Variants in VPS8 observed in about 807,000 individuals in gnomAD.
The protein encoded by VPS8 is vacuolar protein sorting-associated protein 8 homolog.
In VPS8, 129 loss-of-function variants were observed where a neutral mutation model predicts 216.4. That is an observed-to-expected ratio of 0.60 (90% CI 0.52 to 0.69). The LOEUF (loss-of-function observed/expected upper bound fraction) is 0.69. VPS8 is among the 30% of genes least tolerant of loss of function. The pLI is 0.00. For synonymous variants in VPS8, 571 were observed against 565.4 expected, an observed-to-expected ratio of 1.01 and a Z score of -0.14; for missense variants, 1,531 against 1,683.5, an observed-to-expected ratio of 0.91 and a Z score of 1.59.
intron 45 of VPS8, among the ~76,000 whole-genome samples, chr3:185,005,696 GC>G (rs1413428975): frequency 6.6e-6 from 1 of 151,806 alleles, no homozygotes; most frequent in Non-Finnish European, 1.5e-5. Flanking sequence ...TTGATTCTCA[GC>G]TTGGTCATAG....
At chr3:185,014,716 A>G (rs1291298134) in intron 45 of VPS8, among the ~76,000 whole-genome samples, 1 of 151,990 alleles carries the variant, frequency 6.6e-6, no homozygotes, top group Non-Finnish European at 1.5e-5. Flanking sequence ...TGTTTTTGTA[A>G]CTGCTGTTTT....
chr3:184,840,528 C>T (rs1721929044), intron 7 of VPS8: 1 of 151,782 alleles, frequency 6.6e-6, no homozygotes, highest in African/African-American at 2.4e-5. Context: ...TGGTGAAACC[C>T]CGTCTCTACT....
chr3:184,852,041 G>A (rs1239144387), intron 10 of VPS8, among the ~76,000 whole-genome samples: 1 of 152,118 alleles, frequency 6.6e-6, no homozygotes, highest in Non-Finnish European at 1.5e-5. Flanking sequence ...AGATATAGTG[G>A]ACTTACTTTT....
intron 39 of VPS8, 23 bp from the exon 40 acceptor site, chr3:184,971,626 G>T: frequency 6.3e-7 from 1 of 1,585,256 alleles, no homozygotes; most frequent in Non-Finnish European, 8.6e-7. Context: ...CTTAAATGAT[G>T]TTTACACTTT....
At chr3:184,834,138 G>T (rs1055762928) in intron 4 of VPS8, among the ~76,000 whole-genome samples, 1 of 152,188 alleles carries the variant, frequency 6.6e-6, no homozygotes, top group Non-Finnish European at 1.5e-5. Context: ...GCACAGGAAA[G>T]GTGAGCAAGG....
At chr3:184,941,473 C>T (rs1742687389) in intron 36 of VPS8, among the ~76,000 whole-genome samples, 1 of 144,988 alleles carries the variant, frequency 6.9e-6, no homozygotes. Flanking sequence ...CCCTCAGAGT[C>T]AGTTCGGGCC....
At chr3:184,917,235 A>G (rs555500292) in intron 28 of VPS8, among the ~76,000 whole-genome samples, 16 of 152,338 alleles carry the variant, frequency 1.1e-4, no homozygotes, top group African/African-American at 3.4e-4. Context: ...CTGAATATAT[A>G]GAAAGGCCTG....
intron 45 of VPS8, 26 bp from the exon 46 acceptor site, chr3:185,024,310 T>G: frequency 6.4e-7 from 1 of 1,566,740 alleles, no homozygotes; most frequent in Non-Finnish European, 8.7e-7. Context: ...TGAAAGGGTA[T>G]TAAAATGTTT....
intron 34 of VPS8, 86 bp from the exon 35 acceptor site, chr3:184,936,160 T>G: frequency 4.4e-6 from 5 of 1,135,110 alleles, no homozygotes; most frequent in African/African-American, 1.5e-5. Context: ...GCGACTGTAT[T>G]GAGGTAGGTA....
chr3:184,936,447 A>G, intron 35 of VPS8, 112 bp downstream of exon 35: 1 of 987,036 alleles, frequency 1.0e-6, no homozygotes, highest in Non-Finnish European at 1.5e-6. Flanking sequence ...ATTTATTAGC[A>G]GTTTCTATTA....
chr3:185,039,499 G>A (rs575739028), intron 46 of VPS8, among the ~76,000 whole-genome samples: 3 of 151,548 alleles, frequency 2.0e-5, no homozygotes, highest in African/African-American at 4.8e-5. Flanking sequence ...AGCCTGATAC[G>A]TTAGAAGCCA....
intron 36 of VPS8, among the ~76,000 whole-genome samples, chr3:184,948,483 G>A (rs1044524569): frequency 2.0e-5 from 3 of 152,092 alleles, no homozygotes; most frequent in South Asian, 4.1e-4. Flanking sequence ...TGCCACAGCC[G>A]TTGCACTACA....
chr3:185,014,168 C>G (rs888091085), intron 45 of VPS8, among the ~76,000 whole-genome samples: 1 of 152,160 alleles, frequency 6.6e-6, no homozygotes, highest in Non-Finnish European at 1.5e-5. Context: ...GGAATACTCA[C>G]GGCAATGGTA....
Position 184,941,894 on chromosome 3 carries a change from TA to T in VPS8, c.3035+1652del, listed in dbSNP as rs1742771300. On this transcript the variant is annotated intron_variant, in intron 36 of 47. Coordinates refer to ENST00000625842, the MANE Select transcript of VPS8 (RefSeq NM_001009921.3). ...TGTGGAAAGTGATGGTGACCAAGTATATTTTTTTATTTAAAAAAAAAAACAG... is the reference window on the plus strand; with the variant it reads ...TGTGGAAAGTGATGGTGACCAAGTATTTTTTTTATTTAAAAAAAAAAACAG... Among the ~76,000 whole-genome samples the T allele has an allele frequency of 2.0e-5, 3 of 151,446 alleles. No homozygotes were observed. The South Asian group carries it at 6.2e-4, about 31-fold the overall frequency.
At chr3:184,847,728 A>G (rs1414603771) in intron 8 of VPS8, among the ~76,000 whole-genome samples, 1 of 152,194 alleles carries the variant, frequency 6.6e-6, no homozygotes, top group African/African-American at 2.4e-5. Flanking sequence ...TCTAGACAAA[A>G]TAAGCATTGC....
chr3:184,829,336 C>T (rs1719493564), intron 3 of VPS8, among the ~76,000 whole-genome samples: 1 of 152,182 alleles, frequency 6.6e-6, no homozygotes, highest in Non-Finnish European at 1.5e-5. Context: ...GCCTCAGCCT[C>T]CCGAGTAGGT....
intron 28 of VPS8, 133 bp downstream of exon 28, chr3:184,915,607 C>G: frequency 1.8e-5 from 17 of 919,014 alleles, no homozygotes; most frequent in Non-Finnish European, 2.3e-5. Flanking sequence ...TCAGGAGTTC[C>G]AGACCAGCCT....
At chr3:184,886,202 A>T in intron 22 of VPS8, 46 bp downstream of exon 22, 1 of 1,557,342 alleles carries the variant, frequency 6.4e-7, no homozygotes, top group Non-Finnish European at 8.8e-7. Context: ...GAACCCAGGT[A>T]GCCTCTTATG....
At chr3:184,901,951 G>T (rs1374320309) in intron 25 of VPS8, among the ~76,000 whole-genome samples, 1 of 152,152 alleles carries the variant, frequency 6.6e-6, no homozygotes, top group Non-Finnish European at 1.5e-5. Context: ...GATACTGTCA[G>T]TGTTTTAAAA....
Sources: allele counts gnomAD v4.1 joint callset (sites outside exome capture counted in the v4.1 genomes callset), GRCh38; gene constraint gnomAD v4.1.1; transcripts MANE v1.5; gene names NCBI Gene and HGNC (gene_info 2026-07-23, HGNC 2026-07-21).